C10orf67: variants seen among roughly 807,000 people sequenced by gnomAD.
The protein encoded by C10orf67 is chromosome 10 open reading frame 67, also known as uncharacterized protein C10orf67, mitochondrial.
In C10orf67, 60 loss-of-function variants were observed where a neutral mutation model predicts 35.6. The ratio of observed to expected loss-of-function variants is 1.68; its 90% CI spans 1.37 to 2.09. The LOEUF (loss-of-function observed/expected upper bound fraction) is 2.09. Ranked by LOEUF, C10orf67 falls within the 30% of genes most tolerant of loss-of-function variation. The probability of loss-of-function intolerance (pLI) is 0.00; values close to 1 mark genes in which losing one functional copy is unlikely to be tolerated. For missense variants in C10orf67, 474 were observed against 330.2 expected (o/e 1.44, Z -3.38); for synonymous variants, 167 against 115.8 (o/e 1.44, Z -2.84).
At chr10:23,265,411 G>GA (rs1842861664) in intron 10 of C10orf67, among the ~76,000 whole-genome samples, 1 of 152,208 alleles carries the variant, frequency 6.6e-6, no homozygotes, top group African/African-American at 2.4e-5. Flanking sequence ...AAGAATGTGG[G>GA]AACACGTAGG....
chr10:23,309,916 T>A (rs1844432034), intron 4 of C10orf67, among the ~76,000 whole-genome samples: 1 of 152,234 alleles, frequency 6.6e-6, no homozygotes, highest in Non-Finnish European at 1.5e-5. Context: ...GAAGCAATTG[T>A]TTGAAGAACC....
In C10orf67 at chr10:23,330,671, C is replaced by T. The variant is rs539548151; in HGVS notation, c.327+2391G>A. ...AGGTGAATGGCGTGAACCTGAGAGG[C>T]GGAGGTTGCAGTGAGCTGAGATCGT... is the stretch of plus-strand genomic sequence containing the variant. On this transcript the variant is annotated intron_variant, in intron 2 of 15. Transcript: ENST00000636213. Among the ~76,000 whole-genome samples, 220 of 150,280 alleles carry T rather than the reference C, an allele frequency of 1.5e-3. 1 individual carries two copies. Among genetic ancestry groups the T allele is most frequent in the African/African-American group, 5.2e-3 (214 of 40,766 alleles).
intron 4 of C10orf67, among the ~76,000 whole-genome samples, chr10:23,311,698 C>T (rs901455243): frequency 3.7e-5 from 5 of 134,536 alleles, no homozygotes; most frequent in African/African-American, 1.5e-4. Flanking sequence ...GCAACAAGAG[C>T]GAAACTCCAT....
chr10:23,230,446 G>T (rs1237999351), intron 13 of C10orf67, among the ~76,000 whole-genome samples: 18 of 151,942 alleles, frequency 1.2e-4, no homozygotes, highest in Admixed American at 1.2e-3. Context: ...AGACAAAAAG[G>T]AAAAGATTAA....
At chr10:23,299,794 G>A (rs917403987) in intron 5 of C10orf67, among the ~76,000 whole-genome samples, 5 of 152,028 alleles carry the variant, frequency 3.3e-5, no homozygotes, top group East Asian at 1.9e-4. Context: ...TGGCTAACAC[G>A]GTGAAACCCT....
intron 7 of C10orf67, among the ~76,000 whole-genome samples, chr10:23,289,005 A>G (rs1025218137): frequency 5.9e-5 from 9 of 152,194 alleles, no homozygotes; most frequent in African/African-American, 2.2e-4. Flanking sequence ...AAGATAGACC[A>G]TAACAGAATG....
chr10:23,317,917 GC>G (rs1013468781), intron 4 of C10orf67: 1 of 151,416 alleles, frequency 6.6e-6, no homozygotes, highest in Non-Finnish European at 1.5e-5. Context: ...GGATAACATA[GC>G]AAGATCCCAT....
intron 13 of C10orf67, among the ~76,000 whole-genome samples, chr10:23,230,032 T>C (rs1278391305): frequency 3.9e-5 from 6 of 152,130 alleles, no homozygotes; most frequent in Admixed American, 1.3e-4. Flanking sequence ...AATGCAAAGA[T>C]CCAATAAAGC....
chr10:23,327,939 C>T (rs192795276), intron 2 of C10orf67, among the ~76,000 whole-genome samples: 28 of 152,112 alleles, frequency 1.8e-4, no homozygotes, highest in Admixed American at 7.2e-4. Flanking sequence ...ACAAGGACTG[C>T]GTTCTCCAAC....
intron 10 of C10orf67, among the ~76,000 whole-genome samples, chr10:23,253,450 T>C (rs1397899509): frequency 2.6e-5 from 4 of 152,210 alleles, no homozygotes; most frequent in East Asian, 1.9e-4. Flanking sequence ...TGATTAACAG[T>C]AGTCCAAGGA....
chr10:23,229,069 C>A (rs1418120718), intron 13 of C10orf67, among the ~76,000 whole-genome samples: 1 of 152,114 alleles, frequency 6.6e-6, no homozygotes, highest in Non-Finnish European at 1.5e-5. Context: ...TTTGACCCAG[C>A]CATTCCATTA....
At chr10:23,232,723 A>G (rs1841944544) in intron 13 of C10orf67, among the ~76,000 whole-genome samples, 1 of 152,240 alleles carries the variant, frequency 6.6e-6, no homozygotes, top group South Asian at 2.1e-4. Context: ...AAAAAATGTC[A>G]AGGAAAAGAA....
intron 2 of C10orf67, among the ~76,000 whole-genome samples, chr10:23,329,797 C>CAAAAAAAAAAAA (rs398013008): frequency 2.8e-3 from 134 of 47,894 alleles, no homozygotes; most frequent in African/African-American, 3.5e-3. Flanking sequence ...GAACTTGTCT[C>CAAAAAAAAAAAA]AAAAAAAAAA....
chr10:23,294,972 G>T (rs1240507371), intron 5 of C10orf67, among the ~76,000 whole-genome samples: 1 of 152,148 alleles, frequency 6.6e-6, no homozygotes, highest in Non-Finnish European at 1.5e-5. Flanking sequence ...GCTATGACCT[G>T]CCTTTGTGGC....
chr10:23,228,969 T>C (rs990082870), intron 13 of C10orf67, among the ~76,000 whole-genome samples: 17 of 152,066 alleles, frequency 1.1e-4, no homozygotes, highest in African/African-American at 2.7e-4. Context: ...TATAGGAACA[T>C]TTTTACACTG....
chr10:23,321,172 G>A (rs1844941475), intron 3 of C10orf67, among the ~76,000 whole-genome samples: 1 of 152,080 alleles, frequency 6.6e-6, no homozygotes, highest in Admixed American at 6.6e-5. Context: ...TTTTTGAATG[G>A]AATATGCTCA....
intron 7 of C10orf67, among the ~76,000 whole-genome samples, chr10:23,289,029 A>G (rs1418946821): frequency 1.3e-5 from 2 of 152,192 alleles, no homozygotes; most frequent in South Asian, 2.1e-4. Context: ...ACTGAGAGCC[A>G]CAATAGGGAA....
chr10:23,326,927 A>G lies in C10orf67; in HGVS notation c.328-4390T>C, dbSNP rs1337603088. Among the ~76,000 whole-genome samples the G allele has an allele frequency of 3.3e-5, 5 of 152,260 alleles. No individual in the cohort carries two copies. In the East Asian group the frequency reaches 9.6e-4, roughly 29 times the overall value. ...TAAACAAGCATTAATTGCATAAAAC[A>G]ATATGAAGAGTTAACTGCAAAAATA... On this transcript the variant is annotated intron_variant, in intron 2 of 15. Transcript: ENST00000636213.
chr10:23,344,224 G>A (rs1401481336), intron 1 of C10orf67: 1 of 279,782 alleles, frequency 3.6e-6, no homozygotes, highest in Non-Finnish European at 6.8e-6. Flanking sequence ...GTTGGGGATG[G>A]GGGGGAAGGG....
Sources: gnomAD v4.1 joint callset for allele counts (sites outside exome capture counted in the v4.1 genomes callset) on GRCh38, gnomAD v4.1.1 for gene constraint, MANE v1.5 for transcripts, NCBI Gene and HGNC (gene_info 2026-07-23, HGNC 2026-07-21) for gene names.